Variants in VPS41 observed in about 807,000 individuals in gnomAD.
VPS41 encodes the protein VPS41 subunit of HOPS complex, also known as vacuolar protein sorting-associated protein 41 homolog.
A neutral mutation model predicts 130.9 loss-of-function variants in VPS41; 85 were observed. The observed-to-expected ratio is 0.65, with a 90% confidence interval of 0.55 to 0.78. VPS41 has a LOEUF of 0.78. VPS41 is among the 30% of genes least tolerant of loss of function. The pLI, the probability that VPS41 is intolerant of heterozygous loss-of-function variation, is 0.00. For synonymous variants in VPS41, 335 were observed against 332.9 expected (o/e 1.01, Z -0.07); for missense variants, 874 against 1,018.7 (o/e 0.86, Z 1.93).
chr7:38,871,496 G>A (rs1488279158), intron 2 of VPS41, among the ~76,000 whole-genome samples: 1 of 152,152 alleles, frequency 6.6e-6, no homozygotes, highest in Non-Finnish European at 1.5e-5. Flanking sequence ...CCTACTGAGA[G>A]TTAAGTATAA....
chr7:38,828,005 A>C (rs1380426266), intron 5 of VPS41, among the ~76,000 whole-genome samples: 1 of 152,152 alleles, frequency 6.6e-6, no homozygotes, highest in Non-Finnish European at 1.5e-5. Context: ...CCAAAAAAAA[A>C]ATTGTAAAGG....
At chr7:38,885,227 C>CTA (rs1786697143) in intron 2 of VPS41, among the ~76,000 whole-genome samples, 2 of 152,184 alleles carry the variant, frequency 1.3e-5, no homozygotes, top group African/African-American at 2.4e-5. Flanking sequence ...GCGCATGCCA[C>CTA]TATGCCCGGC....
chr7:38,777,267 G>C (rs1051493985), intron 10 of VPS41, among the ~76,000 whole-genome samples: 1 of 151,758 alleles, frequency 6.6e-6, no homozygotes, highest in Non-Finnish European at 1.5e-5. Context: ...TAAAGAACTT[G>C]AAGTTAAAAA....
At chr7:38,784,571 G>A (rs1454218277) in intron 10 of VPS41, among the ~76,000 whole-genome samples, 1 of 151,040 alleles carries the variant, frequency 6.6e-6, no homozygotes, top group East Asian at 2.0e-4. Context: ...GGAGGCTGAG[G>A]TTGCAGTAAG....
intron 4 of VPS41, chr7:38,831,235 G>A (rs1210181762): frequency 4.2e-6 from 2 of 470,592 alleles, no homozygotes; most frequent in South Asian, 1.6e-5. Flanking sequence ...TAATTTCTTT[G>A]GCATCTGGTT....
intron 7 of VPS41, among the ~76,000 whole-genome samples, chr7:38,798,573 G>A (rs1296776750): frequency 6.6e-6 from 1 of 152,200 alleles, no homozygotes; most frequent in Admixed American, 6.5e-5. Flanking sequence ...GATTACAGGT[G>A]TGAGCAACCA....
intron 2 of VPS41, among the ~76,000 whole-genome samples, chr7:38,871,903 T>G (rs1241781411): frequency 1.3e-5 from 2 of 152,168 alleles, no homozygotes; most frequent in Admixed American, 1.3e-4. Context: ...TCAAGAAATC[T>G]TCTCGCCTCA....
intron 22 of VPS41, among the ~76,000 whole-genome samples, chr7:38,750,339 TCAGTAACCTGAAA>T (rs1054241828): frequency 1.1e-4 from 17 of 152,178 alleles, no homozygotes; most frequent in African/African-American, 3.6e-4. Context: ...TGAAGAAGTC[TCAGTAACCTGAAA>T]CATGAAAACC....
At chr7:38,811,648 T>C (rs1255444083) in intron 7 of VPS41, among the ~76,000 whole-genome samples, 4 of 118,072 alleles carry the variant, frequency 3.4e-5, no homozygotes, top group Non-Finnish European at 5.1e-5. Flanking sequence ...TAGATAGATA[T>C]ATCTCATTCA....
At chr7:38,740,224 T>C (rs543994863) in intron 25 of VPS41, among the ~76,000 whole-genome samples, 2 of 152,306 alleles carry the variant, frequency 1.3e-5, no homozygotes, top group East Asian at 3.9e-4. Flanking sequence ...TGACTTCTCA[T>C]CAAATGTGGA....
Position 38,880,686 on chromosome 7 carries a change from G to A in VPS41, c.61-11433C>T, listed in dbSNP as rs113143335. On this transcript the variant is annotated intron_variant, in intron 2 of 28. Transcript: ENST00000310301. ...AAGAACTGTGATGACATGGATGCCT[G>A]TGAATCTCTGTATTTAAAAACGGCT... Among the ~76,000 whole-genome samples the A allele has an allele frequency of 6.1e-3, 935 of 152,346 alleles. 7 individuals carry two copies. The highest frequency in any genetic ancestry group is 0.024 in the Middle Eastern group (7 of 294).
At chr7:38,869,359 G>T in intron 2 of VPS41, 106 bp from the exon 3 acceptor site, 1 of 714,352 alleles carries the variant, frequency 1.4e-6, no homozygotes, top group Non-Finnish European at 2.3e-6. Context: ...CTTCAATGAT[G>T]TTAATAATTC....
intron 23 of VPS41, 101 bp downstream of exon 23, chr7:38,745,458 T>C: frequency 1.1e-6 from 1 of 890,858 alleles, no homozygotes; most frequent in Non-Finnish European, 1.9e-6. Context: ...ATATTCTGTG[T>C]TACGTTGGTC....
At chr7:38,773,969 G>A in intron 12 of VPS41, 146 bp downstream of exon 12, 1 of 728,406 alleles carries the variant, frequency 1.4e-6, no homozygotes, top group Non-Finnish European at 2.1e-6. Flanking sequence ...GCATCCAAAT[G>A]TCCTTGTTTT....
At chr7:38,743,160 A>G (rs1167927403) in intron 24 of VPS41, among the ~76,000 whole-genome samples, 1 of 152,182 alleles carries the variant, frequency 6.6e-6, no homozygotes, top group Admixed American at 6.5e-5. Flanking sequence ...ATGGGGACAC[A>G]ATTAATAAAC....
At chr7:38,876,210 TAGCCCCA>T (rs1309451068) in intron 2 of VPS41, among the ~76,000 whole-genome samples, 1 of 152,292 alleles carries the variant, frequency 6.6e-6, no homozygotes, top group East Asian at 1.9e-4. Flanking sequence ...AAAGTGCCAG[TAGCCCCA>T]AGGTTGAAAA....
chr7:38,726,682 T>G (rs1795551407), intron 28 of VPS41, among the ~76,000 whole-genome samples: 1 of 152,276 alleles, frequency 6.6e-6, no homozygotes, highest in Non-Finnish European at 1.5e-5. Flanking sequence ...TGGGCCTGAA[T>G]GAATTCCTTC....
chr7:38,821,335 A>T, intron 5 of VPS41, 70 bp from the exon 6 acceptor site: 1 of 953,866 alleles, frequency 1.0e-6, no homozygotes. Context: ...CAGTATGAAC[A>T]CATACTATCA....
chr7:38,849,878 C>T (rs374451859), intron 4 of VPS41, among the ~76,000 whole-genome samples: 11 of 151,786 alleles, frequency 7.2e-5, no homozygotes, highest in African/African-American at 2.7e-4. Context: ...GGAGCCCTAG[C>T]CAGAGACACA....
Sources: gnomAD v4.1 joint callset for allele counts (sites outside exome capture counted in the v4.1 genomes callset) on GRCh38, gnomAD v4.1.1 for gene constraint, MANE v1.5 for transcripts, NCBI Gene and HGNC (gene_info 2026-07-23, HGNC 2026-07-21) for gene names.